The following KCNT1 variants were observed in gnomAD, a reference collection of about 807,000 sequenced individuals.
The protein encoded by KCNT1 is potassium sodium-activated channel subfamily T member 1, also known as potassium channel subfamily T member 1.
A neutral mutation model predicts 147.8 loss-of-function variants in KCNT1; 78 were observed. The ratio of observed to expected loss-of-function variants is 0.53; its 90% CI spans 0.44 to 0.64. KCNT1 has a LOEUF of 0.64. Among genes scored for constraint, KCNT1 ranks in the 30% least tolerant of loss-of-function variants. KCNT1 has a pLI of 0.00. For synonymous variants in KCNT1, 867 were observed against 748.8 expected, an observed-to-expected ratio of 1.16 and a Z score of -2.58; for missense variants, 1,419 against 1,750.3, an observed-to-expected ratio of 0.81 and a Z score of 3.38.
At position 135,702,268 on chromosome 9, in the gene KCNT1, C is replaced by T. The variant is rs778405770; in HGVS notation, c.10C>T (p.Pro4Ser). 31 of 1,608,480 alleles carry T rather than the reference C, an allele frequency of 1.9e-5. No homozygotes were observed. The highest frequency in any genetic ancestry group is 2.5e-5 in the Non-Finnish European group (29 of 1,177,510). The change falls in exon 1 of 31, where the codon CCT becomes TCT. Residue 4 changes from proline to serine, a missense_variant. This residue lies in a region of KCNT1 where 181 missense variants were observed against 155.7 expected (regional missense o/e 1.16). Coordinates refer to ENST00000371757, the MANE Select transcript of KCNT1 (RefSeq NM_020822.3). ...CGAGCTGCCAGGCCGCATGCCACTC[C>T]CTGACGGGGCGCGGACCCCGGGGGG... is the stretch of plus-strand genomic sequence containing the variant. MPL[P>S]DGARTPGGVC...
intron 2 of KCNT1, among the ~76,000 whole-genome samples, chr9:135,723,193 G>T (rs1367911197): frequency 6.6e-6 from 1 of 152,224 alleles, no homozygotes; most frequent in African/African-American, 2.4e-5. Context: ...GGAAGCTGGG[G>T]GCTGCAGAGC....
At chr9:135,736,253 C>T (rs945756931) in intron 2 of KCNT1, among the ~76,000 whole-genome samples, 6 of 152,160 alleles carry the variant, frequency 3.9e-5, no homozygotes, top group Non-Finnish European at 8.8e-5. Flanking sequence ...GCCTGGTCCG[C>T]AGGCCGGCTG....
chr9:135,711,929 A>G (rs1835510333), intron 1 of KCNT1, among the ~76,000 whole-genome samples: 3 of 151,956 alleles, frequency 2.0e-5, no homozygotes, highest in Non-Finnish European at 4.4e-5. Context: ...ACATCTTCAC[A>G]CTCTTCCTAT....
intron 3 of KCNT1, chr9:135,750,426 A>G (rs1831085930): frequency 1.8e-6 from 1 of 557,154 alleles, no homozygotes; most frequent in South Asian, 2.0e-5. Context: ...ACTCGTGGGG[A>G]CACCGTCCTG....
chr9:135,717,794 T>G (rs1292448247), intron 2 of KCNT1, among the ~76,000 whole-genome samples: 1 of 152,242 alleles, frequency 6.6e-6, no homozygotes. Context: ...TGGGGGCCTC[T>G]CCTCTTGAAG....
intron 6 of KCNT1, among the ~76,000 whole-genome samples, 157 bp from the exon 7 acceptor site, chr9:135,756,716 T>G (rs543159602): frequency 2.6e-4 from 39 of 152,106 alleles, no homozygotes; most frequent in Non-Finnish European, 4.4e-4. Context: ...GCCAAAGGCC[T>G]TGGTGGCTAA....
chr9:135,757,111 C>A (rs1831544931), intron 7 of KCNT1, 45 bp from the exon 8 acceptor site: 3 of 1,141,100 alleles, frequency 2.6e-6, no homozygotes, highest in Non-Finnish European at 3.9e-6. Flanking sequence ...TGGGCCCCAC[C>A]CCCACCCTCC....
chr9:135,782,030 A>G (rs1360221100), intron 24 of KCNT1, among the ~76,000 whole-genome samples: 1 of 152,168 alleles, frequency 6.6e-6, no homozygotes, highest in Non-Finnish European at 1.5e-5. Context: ...GCTGGCCAAC[A>G]TGGAGAAACC....
chr9:135,774,229 TGTGTGTG>T (rs977303607), intron 19 of KCNT1, among the ~76,000 whole-genome samples: 5 of 149,464 alleles, frequency 3.3e-5, no homozygotes, highest in African/African-American at 9.9e-5. Context: ...GTCTGTGTGT[TGTGTGTG>T]GTGTGTGTCC....
At chr9:135,789,132 G>GATGGCGCTCATGGAAGACCCTCGCTCT in intron 29 of KCNT1, 2 of 150,762 alleles carry the variant, frequency 1.3e-5, no homozygotes, top group Middle Eastern at 3.5e-3. Context: ...TGCAGCTAGC[G>GATGGCGCTCATGGAAGACCCTCGCTCT]GCCTTCATGA....
At position 135,792,972 on chromosome 9, in the gene KCNT1, C is replaced by T. The variant is rs968087745; in HGVS notation, c.*811C>T. ...AACCCCTGACTTGTGAAGCACAATT[C>T]AGCCTCCGGGCTGGGCCACGTGGAG... On this transcript the variant is annotated 3_prime_UTR_variant, in exon 31 of 31. Transcript: ENST00000371757. The T allele has an allele frequency of 4.6e-5, 7 of 152,208 alleles. No homozygotes were observed. Among genetic ancestry groups the T allele is most frequent in the African/African-American group, 1.7e-4 (7 of 41,442 alleles). The allele number at this position is 152,208 out of a possible 1,614,324, so 9.4% of individuals were successfully genotyped here.
intron 1 of KCNT1, among the ~76,000 whole-genome samples, chr9:135,713,603 G>T (rs2131327010): frequency 6.6e-6 from 1 of 152,316 alleles, no homozygotes; most frequent in African/African-American, 2.4e-5. Flanking sequence ...CGGGGAGCTG[G>T]GTATGGTCAG....
chr9:135,766,174 G>C (rs191825080), intron 13 of KCNT1, among the ~76,000 whole-genome samples: 1 of 151,886 alleles, frequency 6.6e-6, no homozygotes, highest in African/African-American at 2.4e-5. Context: ...GTCTAGGGTG[G>C]GTCATCTGGG....
At chr9:135,781,366 A>G (rs1029355479) in intron 24 of KCNT1, among the ~76,000 whole-genome samples, 5 of 152,090 alleles carry the variant, frequency 3.3e-5, no homozygotes, top group African/African-American at 1.2e-4. Flanking sequence ...GGTGCCGTGG[A>G]CCACCTGACC....
At chr9:135,703,633 C>T (rs531357034) in intron 1 of KCNT1, among the ~76,000 whole-genome samples, 109 of 152,332 alleles carry the variant, frequency 7.2e-4, no homozygotes, top group African/African-American at 2.5e-3. Context: ...GAGAAAATGA[C>T]CCCAAGGGGG....
At chr9:135,766,148 C>A (rs1407044925) in intron 13 of KCNT1, among the ~76,000 whole-genome samples, 2 of 151,028 alleles carry the variant, frequency 1.3e-5, no homozygotes, top group East Asian at 3.9e-4. Context: ...TTAGTGTGGA[C>A]CATCCAGGGT....
intron 11 of KCNT1, among the ~76,000 whole-genome samples, chr9:135,763,561 A>G (rs544019057): frequency 6.6e-6 from 1 of 151,714 alleles, no homozygotes; most frequent in East Asian, 1.9e-4. Flanking sequence ...TTTGGGGGAG[A>G]TTGTCCCATG....
rs1260799359 is a variant in KCNT1, at chr9:135,714,255, A to C, written c.111-322A>C. On this transcript the variant is annotated intron_variant, in intron 1 of 30. Transcript: ENST00000371757. This position sits in a 1 kb window ranked among gnomAD's most constrained non-coding sequence, Gnocchi z 6.2. Reference sequence around the variant, plus strand: ...CATCCTGGCTCTTGGGGGATCAGGGAGGAGTGGTGCGCGCCTGTCCCTGAG... The same window carrying C: ...CATCCTGGCTCTTGGGGGATCAGGGCGGAGTGGTGCGCGCCTGTCCCTGAG... Among the ~76,000 whole-genome samples the C allele has an allele frequency of 7.3e-5, 11 of 151,568 alleles. No homozygotes were observed. The highest frequency in any genetic ancestry group is 1.5e-4 in the Non-Finnish European group (10 of 67,756).
At chr9:135,751,438 T>C (rs889222516) in intron 4 of KCNT1, among the ~76,000 whole-genome samples, 3 of 151,956 alleles carry the variant, frequency 2.0e-5, no homozygotes, top group South Asian at 4.2e-4. Flanking sequence ...TTTCTGGGGG[T>C]GTCTTCTACC....
Sources: allele counts gnomAD v4.1 joint callset (sites outside exome capture counted in the v4.1 genomes callset), GRCh38; gene constraint gnomAD v4.1.1; regional missense constraint gnomAD v4.1.1; non-coding constraint Gnocchi (gnomAD v3.1); transcripts MANE v1.5; gene names NCBI Gene and HGNC (gene_info 2026-07-23, HGNC 2026-07-21).